The following TEX15 variants were observed in gnomAD, a reference collection of about 807,000 sequenced individuals.
TEX15 encodes the protein testis expressed 15, meiosis and synapsis associated.
In TEX15, 171 loss-of-function variants were observed where a neutral mutation model predicts 237.3. That is an observed-to-expected ratio of 0.72 (90% confidence interval 0.64 to 0.82). The LOEUF is 0.82. Among genes scored for constraint, TEX15 ranks in the 40% least tolerant of loss-of-function variants. The probability of loss-of-function intolerance (pLI) is 0.00; values close to 1 mark genes in which losing one functional copy is unlikely to be tolerated. For missense variants in TEX15, 3,750 were observed against 3,646.5 expected (o/e 1.03, Z -0.73); for synonymous variants, 1,338 against 1,269.8 (o/e 1.05, Z -1.14).
chr8:30,858,387 C>T (rs1392131339), intron 7 of TEX15, among the ~76,000 whole-genome samples: 2 of 151,870 alleles, frequency 1.3e-5, no homozygotes, highest in Non-Finnish European at 2.9e-5. Flanking sequence ...TCCTGACTCA[C>T]TGCAACCTCC....
chr8:30,905,276 A>C (rs995055477), intron 1 of TEX15, among the ~76,000 whole-genome samples: 16 of 152,122 alleles, frequency 1.1e-4, no homozygotes, highest in African/African-American at 3.4e-4. Context: ...AAAAAAAAAA[A>C]AAAACTGTAG....
intron 7 of TEX15, among the ~76,000 whole-genome samples, chr8:30,852,833 G>C (rs939577100): frequency 8.5e-5 from 13 of 152,204 alleles, no homozygotes; most frequent in Admixed American, 5.9e-4. Context: ...CATATATTCA[G>C]TGATGATGGA....
At chr8:30,871,636 C>T (rs1475285416) in intron 4 of TEX15, among the ~76,000 whole-genome samples, 3 of 152,110 alleles carry the variant, frequency 2.0e-5, no homozygotes, top group African/African-American at 7.2e-5. Flanking sequence ...GCAGTCTACT[C>T]ATTTGGCTAC....
At position 30,845,993 on chromosome 8, in the gene TEX15, T is replaced by C. The variant is rs1467126795; in HGVS notation, c.4174A>G (p.Arg1392Gly). 9 of 1,613,036 alleles carry C rather than the reference T, an allele frequency of 5.6e-6. No individual in the cohort carries two copies. Among genetic ancestry groups the C allele is most frequent in the Non-Finnish European group, 7.6e-6 (9 of 1,179,576 alleles). The change falls in exon 8 of 11, where the codon AGA becomes GGA. Residue 1392 changes from arginine to glycine, a missense_variant. Transcript: ENST00000643185. Reference sequence around the variant, plus strand: ...AGCTGCAAAGATGTGTGAACTCTTCTATGAGCTTTTTTTAAGTGAACAACT... The same window carrying C: ...AGCTGCAAAGATGTGTGAACTCTTCCATGAGCTTTTTTTAAGTGAACAACT... ...KAVVHLKKAHRRVHTSLQLIT... is the reference protein window; with the variant it reads ...KAVVHLKKAHGRVHTSLQLIT...
intron 4 of TEX15, among the ~76,000 whole-genome samples, chr8:30,873,210 G>C (rs1808330564): frequency 6.6e-6 from 1 of 152,108 alleles, no homozygotes; most frequent in African/African-American, 2.4e-5. Flanking sequence ...TAATGCAACA[G>C]ATTTGTGCTT....
intron 2 of TEX15, among the ~76,000 whole-genome samples, chr8:30,895,825 C>T (rs1319898043): frequency 6.6e-6 from 1 of 151,772 alleles, no homozygotes; most frequent in East Asian, 1.9e-4. Flanking sequence ...GGACTACAGG[C>T]ATCTGCCACC....
In TEX15 at chr8:30,843,956, C is replaced by T; in HGVS notation, c.6211G>A (p.Asp2071Asn). ...ATCATTTGAAGTTCTACCAAAGTGT[C>T]AACAGCACATGGTTTTAATGTGTGT... ...CKHTLKPCAVDTLVELQMMME... is the reference protein window; with the variant it reads ...CKHTLKPCAVNTLVELQMMME... Residue 2071 changes from aspartate (D) to asparagine (N), a missense_variant, in exon 8 of 11, where the codon GAC becomes AAC. Asp to Asn is a conservative substitution (Grantham distance 23). Coordinates refer to ENST00000643185, the MANE Select transcript of TEX15 (RefSeq NM_001350162.2). 6.2e-7 allele frequency: 1 copy of T among 1,613,014 alleles called. No homozygotes were observed. The highest frequency in any genetic ancestry group is 8.5e-7 in the Non-Finnish European group (1 of 1,179,640).
At chr8:30,905,881 G>A (rs919269676) in intron 1 of TEX15, among the ~76,000 whole-genome samples, 4 of 152,028 alleles carry the variant, frequency 2.6e-5, no homozygotes, top group Admixed American at 2.0e-4. Flanking sequence ...ACTCCAGCCT[G>A]GGTGAGAGTG....
At chr8:30,838,697 TACAC>T (rs3078152) in intron 9 of TEX15, among the ~76,000 whole-genome samples, 9,554 of 134,774 alleles carry the variant, frequency 0.071, 507 homozygotes, top group African/African-American at 0.093. Context: ...ATTATATATA[TACAC>T]ACACACACAC....
intron 1 of TEX15, among the ~76,000 whole-genome samples, chr8:30,899,638 A>G (rs1258214214): frequency 6.6e-6 from 1 of 152,126 alleles, no homozygotes; most frequent in East Asian, 1.9e-4. Context: ...TCTAGTAGAG[A>G]TGGGGTTTCA....
chr8:30,863,466 A>G (rs1808094151), intron 5 of TEX15, among the ~76,000 whole-genome samples: 1 of 152,160 alleles, frequency 6.6e-6, no homozygotes, highest in South Asian at 2.1e-4. Context: ...GTGGGCAATA[A>G]TAAACATATG....
chr8:30,845,359 T>C lies in TEX15; in HGVS notation c.4808A>G (p.Glu1603Gly), dbSNP rs1807577049. 6.2e-7 allele frequency: 1 copy of C among 1,611,848 alleles called. No individual in the cohort carries two copies. The highest frequency in any genetic ancestry group is 2.2e-5 in the East Asian group (1 of 44,848). ...ANHNVKDATK[E>G]NSCDANEVIN... is the part of the protein sequence containing the mutation. The stretch of plus-strand genomic sequence containing the variant: ...TACTTCATTAGCGTCACAACTGTTT[T>C]CTTTAGTTGCATCTTTAACATTATG... Residue 1603 changes from glutamate (E) to glycine (G), a missense_variant, in exon 8 of 11, where the codon GAA becomes GGA. Glu to Gly is a moderately conservative substitution (Grantham distance 98, BLOSUM62 -2). Transcript: ENST00000643185.
chr8:30,837,330 G>A lies in TEX15; in HGVS notation c.8954C>T (p.Thr2985Ile), dbSNP rs1807326893. 3 of 1,614,116 alleles carry A rather than the reference G, an allele frequency of 1.9e-6. No individual in the cohort carries two copies. Among genetic ancestry groups the A allele is most frequent in the African/African-American group, 1.3e-5 (1 of 75,038 alleles). ...VHTFGASGHI[T>I]LNVNQGAEYS... ...CTCTGCTCCTTGATTCACATTAAGGGTTATATGCCCAGATGCTCCAAAAGT... is the reference window on the plus strand; with the variant it reads ...CTCTGCTCCTTGATTCACATTAAGGATTATATGCCCAGATGCTCCAAAAGT... Residue 2985 changes from threonine to isoleucine, a missense_variant, in exon 10 of 11, where the codon ACC (threonine) becomes ATC (isoleucine). Coordinates refer to ENST00000643185, the MANE Select transcript of TEX15 (RefSeq NM_001350162.2).
rs770471278 is a variant in TEX15, at chr8:30,846,509, C to G, written c.3658G>C (p.Asp1220His). ...FGENADYPCE[D>H]KVDNIRQESG... Reference sequence around the variant, plus strand: ...TCTTGCCTTATATTATCAACTTTATCTTCACATGGATAATCTGCATTTTCA... The same window carrying G: ...TCTTGCCTTATATTATCAACTTTATGTTCACATGGATAATCTGCATTTTCA... The change falls in exon 8 of 11, where the codon GAT (aspartate) becomes CAT (histidine). Residue 1220 changes from aspartate to histidine, a missense_variant. Transcript: ENST00000643185. The G allele has an allele frequency of 6.2e-7, 1 of 1,613,518 alleles. No homozygotes were observed. Among genetic ancestry groups the G allele is most frequent in the East Asian group, 2.2e-5 (1 of 44,882 alleles).
At chr8:30,871,013 T>C (rs1372386467) in intron 4 of TEX15, among the ~76,000 whole-genome samples, 2 of 151,960 alleles carry the variant, frequency 1.3e-5, no homozygotes, top group African/African-American at 4.8e-5. Context: ...GCTCATAATC[T>C]CCTTTTTTCA....
chr8:30,907,409 G>A (rs942525189), intron 1 of TEX15, among the ~76,000 whole-genome samples: 7 of 136,820 alleles, frequency 5.1e-5, no homozygotes, highest in African/African-American at 2.1e-4. Context: ...AGGACTACAG[G>A]CGCATGCCAG....
chr8:30,839,109 C>A (rs1807387115), intron 9 of TEX15, among the ~76,000 whole-genome samples: 1 of 152,054 alleles, frequency 6.6e-6, no homozygotes, highest in Non-Finnish European at 1.5e-5. Context: ...AGCCACCACA[C>A]CCAGCCAGTA....
intron 3 of TEX15, among the ~76,000 whole-genome samples, chr8:30,883,019 C>A (rs1409646199): frequency 6.6e-6 from 1 of 152,170 alleles, no homozygotes; most frequent in Non-Finnish European, 1.5e-5. Context: ...AAATCTCCCA[C>A]CTTGGCCTTC....
chr8:30,838,737 C>T (rs1807369749), intron 9 of TEX15, among the ~76,000 whole-genome samples: 5 of 143,868 alleles, frequency 3.5e-5, no homozygotes, highest in Middle Eastern at 7.2e-3. Context: ...CACACACATA[C>T]ACACATATGT....
Sources: allele counts gnomAD v4.1 joint callset (sites outside exome capture counted in the v4.1 genomes callset), GRCh38; gene constraint gnomAD v4.1.1; transcripts MANE v1.5; gene names NCBI Gene and HGNC (gene_info 2026-07-23, HGNC 2026-07-21).